SLC35B4: variants seen among roughly 807,000 people sequenced by gnomAD.
The protein encoded by SLC35B4 is nucleotide sugar transporter SLC35B4.
A neutral mutation model predicts 39.5 loss-of-function variants in SLC35B4; 28 were observed. The ratio of observed to expected loss-of-function variants is 0.71; its 90% CI spans 0.53 to 0.97. The LOEUF (loss-of-function observed/expected upper bound fraction) is 0.97, where lower values mean the gene tolerates loss of function less well. Ranked by LOEUF, SLC35B4 falls within the 50% of genes least tolerant of loss-of-function variation. The pLI is 0.00. For synonymous variants in SLC35B4, 145 were observed against 150.4 expected, an observed-to-expected ratio of 0.96 and a Z score of 0.26; for missense variants, 334 against 414.3, an observed-to-expected ratio of 0.81 and a Z score of 1.68.
At position 134,294,818 on chromosome 7, in the gene SLC35B4, T is replaced by G. The variant is rs372253571; in HGVS notation, c.*15A>C. The G allele has an allele frequency of 3.5e-5, 57 of 1,613,488 alleles. 1 individual carries two copies. The African/African-American group carries it at 6.1e-4, about 17-fold the overall frequency. ...ACCCTCACGACGACACTGGTCTACG[T>G]ACTCCAGACAGGCCTCAGTTCTTCT... is the stretch of plus-strand genomic sequence containing the variant. On this transcript the variant is annotated 3_prime_UTR_variant, in exon 10 of 10. Coordinates refer to ENST00000378509, the MANE Select transcript of SLC35B4 (RefSeq NM_032826.5).
chr7:134,315,634 C>T (rs1803953534), intron 1 of SLC35B4, among the ~76,000 whole-genome samples: 1 of 149,292 alleles, frequency 6.7e-6, no homozygotes, highest in Admixed American at 6.6e-5. Flanking sequence ...TGCAAATACT[C>T]CCAAATCCAA....
intron 1 of SLC35B4, among the ~76,000 whole-genome samples, chr7:134,315,740 G>A (rs1435420128): frequency 2.0e-5 from 3 of 151,794 alleles, no homozygotes; most frequent in Admixed American, 1.3e-4. Flanking sequence ...TCAGAAACAC[G>A]AGCTAGAGAA....
rs1248693587 is a variant in SLC35B4, at chr7:134,290,543, G to A, written c.*4290C>T. 6.6e-6 allele frequency: 1 copy of A among 152,188 alleles called. No homozygotes were observed. Among genetic ancestry groups the A allele is most frequent in the Non-Finnish European group, 1.5e-5 (1 of 68,054 alleles). 9.4% of individuals were successfully genotyped at this position (152,188 alleles called of 1,614,324 possible). ...TACTAGGAAGAAGCTGCTAGAAAAA[G>A]ACAACATGCTACTTTAAAGCCAAGA... is the stretch of plus-strand genomic sequence containing the variant. On this transcript the variant is annotated 3_prime_UTR_variant, in exon 10 of 10. Transcript: ENST00000378509.
intron 5 of SLC35B4, 47 bp downstream of exon 5, chr7:134,301,982 G>A: frequency 6.3e-7 from 1 of 1,575,246 alleles, no homozygotes; most frequent in Non-Finnish European, 8.7e-7. Context: ...TGGTAACTGG[G>A]CCCCAATAGC....
intron 4 of SLC35B4, among the ~76,000 whole-genome samples, chr7:134,304,024 A>G (rs1238468078): frequency 6.6e-6 from 1 of 152,128 alleles, no homozygotes; most frequent in African/African-American, 2.4e-5. Flanking sequence ...TAATATGTAC[A>G]ACCATTCCTT....
At position 134,316,632 on chromosome 7, in the gene SLC35B4, C is replaced by T. The variant is rs1028125168; in HGVS notation, c.77+43G>A. On this transcript the variant is annotated intron_variant, in intron 1 of 9. Coordinates refer to ENST00000378509, the MANE Select transcript of SLC35B4 (RefSeq NM_032826.5). ...GGGACCTCTCCTCTGGCTTCCTCCG[C>T]CCCGCCCCGGGAGACCGGGTGCGGC... 2.1e-5 allele frequency: 32 copies of T among 1,543,924 alleles called. 1 individual carries two copies. In the African/African-American group the frequency reaches 4.0e-4, roughly 19 times the overall value.
chr7:134,301,905 C>A, intron 5 of SLC35B4, 84 bp from the exon 6 acceptor site: 2 of 1,496,092 alleles, frequency 1.3e-6, no homozygotes, highest in South Asian at 1.1e-5. Flanking sequence ...TTATGTTACC[C>A]ATTTCCCTCC....
chr7:134,302,119 A>G lies in SLC35B4; in HGVS notation c.345-9T>C. 2.5e-6 allele frequency: 4 copies of G among 1,600,724 alleles called. No individual in the cohort carries two copies. In the South Asian group the frequency reaches 4.6e-5, roughly 18 times the overall value. The stretch of plus-strand genomic sequence containing the variant: ...ATTTGAATATACTGTATCTGCAAAA[A>G]AGAAAAAAAAGAAGAAAAACACCTT... On this transcript the variant is annotated splice_polypyrimidine_tract_variant and intron_variant, in intron 4 of 9. Coordinates refer to ENST00000378509, the MANE Select transcript of SLC35B4 (RefSeq NM_032826.5).
At chr7:134,296,709 G>T (rs1001273880) in intron 8 of SLC35B4, among the ~76,000 whole-genome samples, 1 of 152,120 alleles carries the variant, frequency 6.6e-6, no homozygotes, top group African/African-American at 2.4e-5. Context: ...TTTACCATTT[G>T]CCTGAATAGT....
chr7:134,295,912 C>T (rs1803455403), intron 9 of SLC35B4, among the ~76,000 whole-genome samples: 1 of 152,172 alleles, frequency 6.6e-6, no homozygotes, highest in Non-Finnish European at 1.5e-5. Context: ...TCACTGCAAC[C>T]TCCACCTCTT....
Position 134,306,717 on chromosome 7 carries a change from G to C in SLC35B4, c.249C>G (p.Ala83=). 6.2e-7 allele frequency: 1 copy of C among 1,613,990 alleles called. No individual in the cohort carries two copies. The highest frequency in any genetic ancestry group is 8.5e-7 in the Non-Finnish European group (1 of 1,179,992). ...FFTVSVVNNY[A]LNLNIAMPLH... is the part of the protein sequence containing the mutation. ...GGGGCATGGCAATGTTGAGATTCAGGGCATAGTTGTTCACCACGCTCACGG... is the reference window on the plus strand; with the variant it reads ...GGGGCATGGCAATGTTGAGATTCAGCGCATAGTTGTTCACCACGCTCACGG... The change falls in exon 3 of 10, where the codon GCC becomes GCG. Residue 83 remains alanine, a synonymous_variant. Coordinates refer to ENST00000378509, the MANE Select transcript of SLC35B4 (RefSeq NM_032826.5).
intron 3 of SLC35B4, among the ~76,000 whole-genome samples, chr7:134,305,397 T>C (rs1010470614): frequency 2.0e-5 from 3 of 151,968 alleles, no homozygotes; most frequent in Admixed American, 6.6e-5. Flanking sequence ...AAGGATCAAT[T>C]CTCAATATAG....
chr7:134,292,302 T>C lies in SLC35B4; in HGVS notation c.*2531A>G, dbSNP rs925499214. ...TTTAAAAAGTATTAACTGGTGTCCA[T>C]TAGACATATTTCCTTATATTCAGCT... On this transcript the variant is annotated 3_prime_UTR_variant, in exon 10 of 10. Transcript: ENST00000378509. 2.6e-5 allele frequency: 4 copies of C among 152,712 alleles called. No homozygotes were observed. Among genetic ancestry groups the C allele is most frequent in the Non-Finnish European group, 5.9e-5 (4 of 68,198 alleles). The allele number at this position is 152,712 out of a possible 1,614,324, so 9.5% of individuals were successfully genotyped here.
intron 1 of SLC35B4, among the ~76,000 whole-genome samples, chr7:134,316,399 G>A (rs2117328688): frequency 6.6e-6 from 1 of 152,362 alleles, no homozygotes; most frequent in Non-Finnish European, 1.5e-5. Context: ...TGGAAAAGGG[G>A]TGACGACAGC....
chr7:134,308,689 T>TCA (rs1803767390), intron 2 of SLC35B4, among the ~76,000 whole-genome samples: 1 of 152,136 alleles, frequency 6.6e-6, no homozygotes, highest in South Asian at 2.1e-4. Flanking sequence ...TACTAAATAC[T>TCA]CACAACTGGA....
At chr7:134,300,735 TA>T (rs1331471848) in intron 6 of SLC35B4, among the ~76,000 whole-genome samples, 1 of 152,206 alleles carries the variant, frequency 6.6e-6, no homozygotes, top group African/African-American at 2.4e-5. Context: ...TAAGTGGAAT[TA>T]CTGAGTCAAA....
chr7:134,309,784 T>A (rs1803792977), intron 1 of SLC35B4, among the ~76,000 whole-genome samples: 1 of 152,204 alleles, frequency 6.6e-6, no homozygotes, highest in Admixed American at 6.5e-5. Flanking sequence ...AGGAAATTGG[T>A]CATATGTTCT....
chr7:134,293,792 C>CTTT lies in SLC35B4; in HGVS notation c.*1038_*1040dup, dbSNP rs566556827. 2 of 135,584 alleles carry CTTT rather than the reference C, an allele frequency of 1.5e-5. No individual in the cohort carries two copies. The highest frequency in any genetic ancestry group is 2.7e-5 in the African/African-American group (1 of 37,230). The allele number at this position is 135,584 out of a possible 1,614,324, so 8.4% of individuals were successfully genotyped here. A position where few individuals can be genotyped will look rare whatever the true frequency, so the allele number is the denominator to read the frequency against. Reference sequence around the variant, plus strand: ...GGGTGTCCAGTCCATAACAACCTTTCTTTTTTTTTTTTTTTTTTGAGATAG... The same window carrying CTTT: ...GGGTGTCCAGTCCATAACAACCTTTCTTTTTTTTTTTTTTTTTTTTTGAGATAG... On this transcript the variant is annotated 3_prime_UTR_variant, in exon 10 of 10. Coordinates refer to ENST00000378509, the MANE Select transcript of SLC35B4 (RefSeq NM_032826.5).
At chr7:134,315,160 G>C (rs1457515381) in intron 1 of SLC35B4, among the ~76,000 whole-genome samples, 1 of 152,180 alleles carries the variant, frequency 6.6e-6, no homozygotes, top group Admixed American at 6.5e-5. Context: ...GTTCAAAACT[G>C]GCAGGGAGGT....
Sources: gnomAD v4.1 joint callset for allele counts (sites outside exome capture counted in the v4.1 genomes callset) on GRCh38, gnomAD v4.1.1 for gene constraint, MANE v1.5 for transcripts, NCBI Gene and HGNC (gene_info 2026-07-23, HGNC 2026-07-21) for gene names.